The following PLA2G12B variants were observed in gnomAD, a reference collection of about 807,000 sequenced individuals.
The protein encoded by PLA2G12B is phospholipase A2 group XIIB.
Under a neutral mutation model 22.3 loss-of-function variants are expected in PLA2G12B, and 19 were observed. The observed-to-expected ratio is 0.85, with a 90% confidence interval of 0.60 to 1.25. The LOEUF is 1.25. PLA2G12B is among the 50% of genes most tolerant of loss of function. PLA2G12B has a pLI of 0.00. For missense variants in PLA2G12B, 191 were observed against 246.6 expected, an observed-to-expected ratio of 0.77 and a Z score of 1.51; for synonymous variants, 81 against 94.9, an observed-to-expected ratio of 0.85 and a Z score of 0.85.
chr10:72,944,653 A>G (rs1452387074), intron 1 of PLA2G12B, among the ~76,000 whole-genome samples: 1 of 152,196 alleles, frequency 6.6e-6, no homozygotes, highest in Non-Finnish European at 1.5e-5. Context: ...TGTATATTAT[A>G]CTTTCTATAT....
At chr10:72,954,436 C>T (rs1209636177) in intron 1 of PLA2G12B, 39 bp downstream of exon 1, 3 of 1,613,652 alleles carry the variant, frequency 1.9e-6, no homozygotes, top group South Asian at 1.1e-5. Flanking sequence ...ATGGGTCCAC[C>T]AGCAACAGTT....
At chr10:72,948,744 G>C (rs1846481252) in intron 1 of PLA2G12B, among the ~76,000 whole-genome samples, 1 of 152,236 alleles carries the variant, frequency 6.6e-6, no homozygotes, top group Non-Finnish European at 1.5e-5. Flanking sequence ...ATCTTGATGT[G>C]AGGATGATTT....
intron 1 of PLA2G12B, among the ~76,000 whole-genome samples, chr10:72,950,165 G>T (rs749015484): frequency 6.6e-6 from 1 of 152,170 alleles, no homozygotes; most frequent in Non-Finnish European, 1.5e-5. Context: ...AGTAGGGTGA[G>T]CAACTTGTCC....
At chr10:72,952,363 G>A (rs145634531) in intron 1 of PLA2G12B, among the ~76,000 whole-genome samples, 4 of 152,290 alleles carry the variant, frequency 2.6e-5, no homozygotes, top group East Asian at 3.9e-4. Context: ...GCATGGTGGC[G>A]CACACCTGTA....
At chr10:72,942,587 G>A in intron 2 of PLA2G12B, 65 bp downstream of exon 2, 2 of 1,279,604 alleles carry the variant, frequency 1.6e-6, no homozygotes, top group Non-Finnish European at 2.1e-6. Flanking sequence ...TTCCATCAAG[G>A]ATAACTCTAG....
chr10:72,950,108 AAGAACTCTGTATTTC>A (rs1236797013), intron 1 of PLA2G12B, among the ~76,000 whole-genome samples: 1 of 152,246 alleles, frequency 6.6e-6, no homozygotes, highest in East Asian at 1.9e-4. Flanking sequence ...TCCTGTAGAG[AAGAACTCTGTATTTC>A]AGTCACTAAA....
In PLA2G12B at chr10:72,935,649, T is replaced by A. The variant is rs939023582; in HGVS notation, c.556A>T (p.Ile186Phe). ...TCTTCCTTCTCCTCCTCTGCACAGA[T>A]GCAAGCTGCCCGCTGACTATTCATA... ...PFMNSQRAACICAEEEKEEL is the reference protein window; with the variant it reads ...PFMNSQRAACFCAEEEKEEL Residue 186 changes from isoleucine (I) to phenylalanine (F), a missense_variant, in exon 4 of 4, where the codon ATC becomes TTC. By Grantham distance (21) the Ile-to-Phe change is conservative. Transcript: ENST00000373032. 2.5e-6 allele frequency: 4 copies of A among 1,614,084 alleles called. No individual in the cohort carries two copies. In the African/African-American group the frequency reaches 4.0e-5, roughly 16 times the overall value.
Position 72,935,498 on chromosome 10 carries a change from CT to C in PLA2G12B, c.*118del. ...GCTGTAGAAAAATGTTCCCTTTCTCCTGCTTTGTGGTGTCCAAACTGTTGGA... is the reference window on the plus strand; with the variant it reads ...GCTGTAGAAAAATGTTCCCTTTCTCCGCTTTGTGGTGTCCAAACTGTTGGA... On this transcript the variant is annotated 3_prime_UTR_variant, in exon 4 of 4. Transcript: ENST00000373032. 1 of 1,413,446 alleles carries C rather than the reference CT, an allele frequency of 7.1e-7. No individual in the cohort carries two copies. Among genetic ancestry groups the C allele is most frequent in the South Asian group, 1.4e-5 (1 of 69,116 alleles). The allele number at this position is 1,413,446 out of a possible 1,614,324, so 87.6% of individuals were successfully genotyped here. A position where few individuals can be genotyped will look rare whatever the true frequency, so the allele number is the denominator to read the frequency against.
At chr10:72,949,649 C>A (rs1373569902) in intron 1 of PLA2G12B, among the ~76,000 whole-genome samples, 2 of 152,160 alleles carry the variant, frequency 1.3e-5, no homozygotes, top group Non-Finnish European at 1.5e-5. Context: ...GCTTCATCAA[C>A]AACCCCAACT....
At chr10:72,943,998 CTTTT>C (rs1349128520) in intron 1 of PLA2G12B, among the ~76,000 whole-genome samples, 3 of 151,724 alleles carry the variant, frequency 2.0e-5, no homozygotes, top group South Asian at 2.1e-4. Flanking sequence ...TCCTTTCTTT[CTTTT>C]TCTTTCTTCC....
intron 1 of PLA2G12B, among the ~76,000 whole-genome samples, chr10:72,947,790 C>T: frequency 6.6e-6 from 1 of 152,160 alleles, no homozygotes; most frequent in African/African-American, 2.4e-5. Context: ...GTGCTGAAGG[C>T]TGGGAATTCC....
intron 1 of PLA2G12B, among the ~76,000 whole-genome samples, chr10:72,944,573 C>T (rs560993643): frequency 4.6e-5 from 7 of 152,278 alleles, no homozygotes; most frequent in South Asian, 2.1e-4. Context: ...AATATGGACA[C>T]GGTATAGTTC....
intron 3 of PLA2G12B, among the ~76,000 whole-genome samples, chr10:72,937,978 G>A (rs555777657): frequency 2.0e-5 from 3 of 152,030 alleles, no homozygotes; most frequent in Non-Finnish European, 4.4e-5. Context: ...GCTGGGCATG[G>A]TGGTGGGCAC....
intron 2 of PLA2G12B, among the ~76,000 whole-genome samples, chr10:72,942,237 T>A (rs1846374991): frequency 6.6e-6 from 1 of 151,460 alleles, no homozygotes; most frequent in Non-Finnish European, 1.5e-5. Flanking sequence ...TTGGCACTAC[T>A]AACATGAAGT....
intron 1 of PLA2G12B, among the ~76,000 whole-genome samples, chr10:72,944,972 A>G (rs1039202251): frequency 6.6e-6 from 1 of 152,140 alleles, no homozygotes; most frequent in Non-Finnish European, 1.5e-5. Context: ...CCTTAATCAA[A>G]TGGCAAAATC....
At chr10:72,940,246 T>C (rs181199354) in intron 3 of PLA2G12B, among the ~76,000 whole-genome samples, 1 of 152,286 alleles carries the variant, frequency 6.6e-6, no homozygotes, top group Admixed American at 6.5e-5. Context: ...GCCAGCTCTT[T>C]ATCAGCCTAC....
chr10:72,943,270 C>T (rs1429616112), intron 1 of PLA2G12B, among the ~76,000 whole-genome samples: 2 of 152,086 alleles, frequency 1.3e-5, no homozygotes, highest in Non-Finnish European at 2.9e-5. Flanking sequence ...CCAATAAGCA[C>T]TTATTTACTG....
intron 1 of PLA2G12B, among the ~76,000 whole-genome samples, chr10:72,949,207 G>A (rs1032161376): frequency 1.3e-5 from 2 of 152,134 alleles, no homozygotes; most frequent in Non-Finnish European, 2.9e-5. Flanking sequence ...ATTAAAAAAA[G>A]GATTAACATT....
intron 3 of PLA2G12B, among the ~76,000 whole-genome samples, chr10:72,940,778 CA>C (rs560180370): frequency 3.1e-4 from 43 of 137,920 alleles, no homozygotes; most frequent in Admixed American, 5.0e-4. Flanking sequence ...AACAAAATTA[CA>C]AAAAAAAAAA....
Sources: allele counts gnomAD v4.1 joint callset (sites outside exome capture counted in the v4.1 genomes callset), GRCh38; gene constraint gnomAD v4.1.1; transcripts MANE v1.5; gene names NCBI Gene and HGNC (gene_info 2026-07-23, HGNC 2026-07-21).